CTNNA2: variants seen among roughly 807,000 people sequenced by gnomAD.
CTNNA2 encodes catenin alpha 2, also known as catenin alpha-2.
A neutral mutation model predicts 101.0 loss-of-function variants in CTNNA2; 42 were observed. The observed-to-expected ratio is 0.42, with a 90% CI of 0.32 to 0.54. The LOEUF is 0.54. CTNNA2 is among the 20% of genes least tolerant of loss of function. The probability of loss-of-function intolerance (pLI) is 0.14; values close to 1 mark genes in which losing one functional copy is unlikely to be tolerated. For synonymous variants in CTNNA2, 450 were observed against 456.4 expected, an observed-to-expected ratio of 0.99 and a Z score of 0.18; for missense variants, 871 against 1,223.1, an observed-to-expected ratio of 0.71 and a Z score of 4.29.
At chr2:80,128,876 A>G (rs1702268268) in intron 7 of CTNNA2, among the ~76,000 whole-genome samples, 1 of 152,170 alleles carries the variant, frequency 6.6e-6, no homozygotes, top group East Asian at 1.9e-4. Flanking sequence ...AAGTCCATTC[A>G]CACACTACCT....
intron 4 of CTNNA2, among the ~76,000 whole-genome samples, chr2:79,457,091 A>T (rs1475742701): frequency 6.6e-6 from 1 of 151,762 alleles, no homozygotes; most frequent in African/African-American, 2.4e-5. Context: ...AGTCCCAGCT[A>T]CTCAGGAGGC....
chr2:79,809,536 C>A (rs1489909450), intron 3 of CTNNA2, among the ~76,000 whole-genome samples: 1 of 152,116 alleles, frequency 6.6e-6, no homozygotes, highest in Non-Finnish European at 1.5e-5. Context: ...TCTCTAATGA[C>A]CAGTGATGGT....
chr2:79,399,609 A>G (rs1215906545), intron 4 of CTNNA2, among the ~76,000 whole-genome samples: 1 of 152,140 alleles, frequency 6.6e-6, no homozygotes, highest in African/African-American at 2.4e-5. Context: ...AAACAGCAGT[A>G]ACAACAAGCC....
At chr2:79,929,736 A>G (rs1687263193) in intron 7 of CTNNA2, among the ~76,000 whole-genome samples, 1 of 152,130 alleles carries the variant, frequency 6.6e-6, no homozygotes, top group Non-Finnish European at 1.5e-5. Context: ...TTTATACAAG[A>G]AGCTGGTTTG....
At chr2:79,326,589 A>T (rs1676753008) in intron 3 of CTNNA2, among the ~76,000 whole-genome samples, 1 of 152,136 alleles carries the variant, frequency 6.6e-6, no homozygotes, top group Non-Finnish European at 1.5e-5. Context: ...TTATAACATG[A>T]TTTTTAAATT....
chr2:80,169,895 C>G (rs1704936584), intron 7 of CTNNA2, among the ~76,000 whole-genome samples: 1 of 152,186 alleles, frequency 6.6e-6, no homozygotes, highest in Admixed American at 6.5e-5. Flanking sequence ...CTTTCTAAAC[C>G]TTGGCTTCTT....
chr2:79,366,328 A>G (rs1031166480), intron 3 of CTNNA2, among the ~76,000 whole-genome samples: 1 of 152,260 alleles, frequency 6.6e-6, no homozygotes, highest in Admixed American at 6.5e-5. Context: ...TTTTCATACA[A>G]GTGGAACACA....
chr2:80,219,014 C>T (rs1351510362), intron 7 of CTNNA2, among the ~76,000 whole-genome samples: 1 of 151,990 alleles, frequency 6.6e-6, no homozygotes, highest in Non-Finnish European at 1.5e-5. Context: ...CCTGTGTAGA[C>T]TGTACTTAGG....
chr2:79,535,043 T>A (rs1672971506), intron 1 of CTNNA2, among the ~76,000 whole-genome samples: 1 of 152,106 alleles, frequency 6.6e-6, no homozygotes, highest in Non-Finnish European at 1.5e-5. Flanking sequence ...TGACATAATT[T>A]TTAAGAAATT....
At chr2:80,092,998 C>CT (rs202173837) in intron 7 of CTNNA2, among the ~76,000 whole-genome samples, 6,886 of 151,032 alleles carry the variant, frequency 0.046, 192 homozygotes, top group South Asian at 0.063. Context: ...TGTTTCAATT[C>CT]TTTTTTTTTA....
rs562074016 is a variant in CTNNA2 at position 79,939,242 on chromosome 2, TAGACA to T, written c.1056+29446_1056+29450del. ...TGAGTGTGTTGAGTGCCTGATTGTG[TAGACA>T]TGGGTAGCTGAAGTAGCTTGTAGCA... is the stretch of plus-strand genomic sequence containing the variant. On this transcript the variant is annotated intron_variant, in intron 7 of 18. Transcript: ENST00000402739. Among the ~76,000 whole-genome samples, 643 of 152,306 alleles carry T rather than the reference TAGACA, an allele frequency of 4.2e-3. 2 individuals are homozygous for T. Among genetic ancestry groups the T allele is most frequent in the African/African-American group, 0.015 (613 of 41,558 alleles).
chr2:79,526,144 A>G (rs1305535871), intron 1 of CTNNA2, among the ~76,000 whole-genome samples: 1 of 152,046 alleles, frequency 6.6e-6, no homozygotes, highest in Non-Finnish European at 1.5e-5. Context: ...TGAATTTAAA[A>G]TATTTTTTAT....
At chr2:79,760,313 A>G (rs12464960) in intron 3 of CTNNA2, among the ~76,000 whole-genome samples, 20,128 of 138,296 alleles carry the variant, frequency 0.15, 1,535 homozygotes, top group Non-Finnish European at 0.18. Flanking sequence ...GTGTGTGTGT[A>G]TATAATCTTT....
intron 14 of CTNNA2, among the ~76,000 whole-genome samples, chr2:80,585,150 C>T (rs1355358042): frequency 6.6e-6 from 1 of 152,000 alleles, no homozygotes; most frequent in Non-Finnish European, 1.5e-5. Flanking sequence ...AGTTTGGGGA[C>T]CCATAGACGT....
chr2:79,257,321 C>A (rs554934698), intron 2 of CTNNA2, among the ~76,000 whole-genome samples: 3 of 151,774 alleles, frequency 2.0e-5, no homozygotes, highest in East Asian at 1.9e-4. Flanking sequence ...AAACAGAGAA[C>A]TGAAACAGAA....
intron 4 of CTNNA2, among the ~76,000 whole-genome samples, chr2:79,421,596 A>C (rs983980069): frequency 5.3e-5 from 8 of 152,092 alleles, no homozygotes; most frequent in Non-Finnish European, 1.0e-4. Context: ...CAAACCATAC[A>C]CTGTAGGGTC....
intron 7 of CTNNA2, among the ~76,000 whole-genome samples, chr2:79,972,193 T>G (rs1690533687): frequency 6.6e-6 from 1 of 152,162 alleles, no homozygotes; most frequent in Non-Finnish European, 1.5e-5. Flanking sequence ...GCAGAACCTT[T>G]GTTCATTGTT....
chr2:79,246,517 T>C (rs6755160), intron 2 of CTNNA2, among the ~76,000 whole-genome samples: 104,072 of 152,072 alleles, frequency 0.68, 36,044 homozygotes, highest in East Asian at 0.85. Flanking sequence ...TTTCTTTCCT[T>C]TATTAACACT....
intron 7 of CTNNA2, among the ~76,000 whole-genome samples, chr2:80,223,065 C>G (rs563584833): frequency 6.6e-6 from 1 of 152,064 alleles, no homozygotes; most frequent in Non-Finnish European, 1.5e-5. Flanking sequence ...TTTTTACATC[C>G]TAGGTTTCAG....
Sources: allele counts gnomAD v4.1 joint callset (sites outside exome capture counted in the v4.1 genomes callset), GRCh38; gene constraint gnomAD v4.1.1; transcripts MANE v1.5; gene names NCBI Gene and HGNC (gene_info 2026-07-23, HGNC 2026-07-21).